Variants in SLC24A2 observed in about 807,000 individuals in gnomAD.
SLC24A2 encodes the protein sodium/potassium/calcium exchanger 2.
Under a neutral mutation model 62.0 loss-of-function variants are expected in SLC24A2, and 36 were observed. That is an observed-to-expected ratio of 0.58 (90% CI 0.44 to 0.77). SLC24A2 has a LOEUF of 0.77. Among genes scored for constraint, SLC24A2 ranks in the 30% least tolerant of loss-of-function variants. SLC24A2 has a pLI of 0.00. For synonymous variants in SLC24A2, 358 were observed against 294.0 expected, an observed-to-expected ratio of 1.22 and a Z score of -2.23; for missense variants, 846 against 817.9, an observed-to-expected ratio of 1.03 and a Z score of -0.42.
the SLC24A2 span, among the ~76,000 whole-genome samples, chr9:20,134,655 G>C: frequency 6.6e-6 from 1 of 152,150 alleles, no homozygotes; most frequent in South Asian, 2.1e-4. Context: ...TGTTATTAGA[G>C]TCCCATTAGT....
At chr9:20,196,940 T>C in the SLC24A2 span, among the ~76,000 whole-genome samples, 1 of 152,246 alleles carries the variant, frequency 6.6e-6, no homozygotes, top group Admixed American at 6.5e-5. Flanking sequence ...TCTGATATTT[T>C]CTAGCATTAT....
At chr9:19,936,198 A>G in the SLC24A2 span, among the ~76,000 whole-genome samples, 36 of 152,008 alleles carry the variant, frequency 2.4e-4, 1 homozygote, top group African/African-American at 8.4e-4. Context: ...CTCCTTAACT[A>G]TTTACTTTCG....
the SLC24A2 span, among the ~76,000 whole-genome samples, chr9:19,972,054 C>A: frequency 2.0e-5 from 3 of 152,104 alleles, no homozygotes; most frequent in Non-Finnish European, 2.9e-5. Context: ...GGGAACCAAA[C>A]AACAAACAAG....
chr9:19,725,482 G>C (rs1821143823), intron 2 of SLC24A2, among the ~76,000 whole-genome samples: 1 of 152,030 alleles, frequency 6.6e-6, no homozygotes, highest in Non-Finnish European at 1.5e-5. Flanking sequence ...AAACTCTGTT[G>C]AATGTTTTGA....
At chr9:20,203,813 T>G in the SLC24A2 span, among the ~76,000 whole-genome samples, 4 of 152,212 alleles carry the variant, frequency 2.6e-5, no homozygotes. Flanking sequence ...GCGGTACCTT[T>G]ATTGTTCATC....
the SLC24A2 span, among the ~76,000 whole-genome samples, chr9:20,041,190 A>T: frequency 9.4e-6 from 1 of 106,408 alleles, no homozygotes. Flanking sequence ...AGAAGCATGC[A>T]TGAGAAAAAG....
chr9:19,993,888 G>T, the SLC24A2 span, among the ~76,000 whole-genome samples: 1 of 152,182 alleles, frequency 6.6e-6, no homozygotes, highest in Non-Finnish European at 1.5e-5. Flanking sequence ...AAAACAGTCA[G>T]ATCTAAAAAC....
At chr9:19,724,616 C>T (rs1821118483) in intron 2 of SLC24A2, among the ~76,000 whole-genome samples, 1 of 152,082 alleles carries the variant, frequency 6.6e-6, no homozygotes, top group Admixed American at 6.6e-5. Context: ...TGCCAAGTGT[C>T]TTTATGACAT....
At chr9:20,112,130 A>G in the SLC24A2 span, among the ~76,000 whole-genome samples, 1 of 152,186 alleles carries the variant, frequency 6.6e-6, no homozygotes, top group Non-Finnish European at 1.5e-5. Flanking sequence ...TGTTAGCACT[A>G]AGCTATTCAT....
the SLC24A2 span, among the ~76,000 whole-genome samples, chr9:19,854,312 C>T: frequency 6.6e-6 from 1 of 152,032 alleles, no homozygotes; most frequent in Admixed American, 6.6e-5. Flanking sequence ...TTCAGTTCTT[C>T]TCTGAGCTTA....
intron 7 of SLC24A2, among the ~76,000 whole-genome samples, chr9:19,559,024 T>C (rs560836225): frequency 2.0e-5 from 3 of 152,334 alleles, no homozygotes; most frequent in South Asian, 2.1e-4. Context: ...CCCAAGGCTG[T>C]CTTAAATACC....
intron 2 of SLC24A2, among the ~76,000 whole-genome samples, chr9:19,692,770 G>A (rs1820079821): frequency 1.3e-5 from 2 of 152,146 alleles, no homozygotes; most frequent in Non-Finnish European, 2.9e-5. Context: ...TATTAGTCAT[G>A]TAGTCTCCCA....
At chr9:19,728,415 G>T (rs1821235616) in intron 2 of SLC24A2, among the ~76,000 whole-genome samples, 1 of 152,094 alleles carries the variant, frequency 6.6e-6, no homozygotes, top group South Asian at 2.1e-4. Context: ...GACTAAGCTG[G>T]CTGTTCTTTT....
At chr9:20,182,224 G>T in the SLC24A2 span, among the ~76,000 whole-genome samples, 1 of 151,996 alleles carries the variant, frequency 6.6e-6, no homozygotes, top group Non-Finnish European at 1.5e-5. Context: ...GTGATTCCTC[G>T]AGTGATTCCT....
the SLC24A2 span, among the ~76,000 whole-genome samples, chr9:20,081,183 G>A: frequency 6.6e-6 from 1 of 152,094 alleles, no homozygotes; most frequent in Non-Finnish European, 1.5e-5. Flanking sequence ...GCACACGTAT[G>A]TTTATTGCGG....
Position 19,528,133 on chromosome 9 carries a change from C to A in SLC24A2, c.1485G>T (p.Ser495=). The part of the protein sequence containing the change: ...ITLPDVRKPS[S]RKFFPITFFG... ...AGAACGTGATGGGAAAAAACTTCCTCGATGACTGAAAGACAACCAGGAAGA... is the reference window on the plus strand; with the variant it reads ...AGAACGTGATGGGAAAAAACTTCCTAGATGACTGAAAGACAACCAGGAAGA... The change falls in exon 9 of 11, where the codon TCG becomes TCT. Residue 495 remains serine, a synonymous_variant. Transcript: ENST00000341998. 6.3e-7 allele frequency: 1 copy of A among 1,576,142 alleles called. No homozygotes were observed. The highest frequency in any genetic ancestry group is 1.8e-5 in the Admixed American group (1 of 55,380).
chr9:20,108,134 C>CA, the SLC24A2 span, among the ~76,000 whole-genome samples: 2 of 152,096 alleles, frequency 1.3e-5, no homozygotes, highest in Non-Finnish European at 2.9e-5. Context: ...AAATGCAAAT[C>CA]AAACCACAAT....
At chr9:19,699,953 T>C (rs1820307652) in intron 2 of SLC24A2, among the ~76,000 whole-genome samples, 1 of 152,168 alleles carries the variant, frequency 6.6e-6, no homozygotes, top group Admixed American at 6.5e-5. Flanking sequence ...CTGAGCTCCA[T>C]GACCCAGATT....
At chr9:20,272,450 C>G in the SLC24A2 span, among the ~76,000 whole-genome samples, 1 of 152,110 alleles carries the variant, frequency 6.6e-6, no homozygotes, top group Non-Finnish European at 1.5e-5. Flanking sequence ...CAAATGTAAG[C>G]TGAGTACTAG....
Sources: allele counts gnomAD v4.1 joint callset (sites outside exome capture counted in the v4.1 genomes callset), GRCh38; gene constraint gnomAD v4.1.1; transcripts MANE v1.5; gene names NCBI Gene and HGNC (gene_info 2026-07-23, HGNC 2026-07-21).